Variants in ANKS1B observed in about 807,000 individuals in gnomAD.
The protein encoded by ANKS1B is ankyrin repeat and sterile alpha motif domain-containing protein 1B.
A neutral mutation model predicts 148.3 loss-of-function variants in ANKS1B; 36 were observed. The observed-to-expected ratio is 0.24, with a 90% confidence interval of 0.19 to 0.32. The LOEUF (loss-of-function observed/expected upper bound fraction) is 0.32, where lower values mean the gene tolerates loss of function less well. Ranked by LOEUF, ANKS1B falls within the 10% of genes least tolerant of loss-of-function variation. The pLI, the probability that ANKS1B is intolerant of heterozygous loss-of-function variation, is 1.00. For missense variants in ANKS1B, 1,157 were observed against 1,542.6 expected (o/e 0.75, Z 4.19); for synonymous variants, 542 against 560.8 (o/e 0.97, Z 0.47).
At chr12:98,901,636 T>C (rs1275980193) in intron 17 of ANKS1B, among the ~76,000 whole-genome samples, 2 of 152,150 alleles carry the variant, frequency 1.3e-5, no homozygotes, top group Non-Finnish European at 1.5e-5. Flanking sequence ...AATAAATAAA[T>C]GAATAAATGT....
chr12:99,039,285 T>C (rs1332768101), intron 17 of ANKS1B, among the ~76,000 whole-genome samples: 1 of 152,210 alleles, frequency 6.6e-6, no homozygotes, highest in Non-Finnish European at 1.5e-5. Flanking sequence ...ATCACCCAAG[T>C]GGCCCTCCAC....
intron 8 of ANKS1B, among the ~76,000 whole-genome samples, chr12:99,762,986 A>C (rs975544781): frequency 1.3e-5 from 2 of 152,136 alleles, no homozygotes; most frequent in Non-Finnish European, 2.9e-5. Flanking sequence ...AAAAAGTTAA[A>C]AAAAAAACAG....
intron 14 of ANKS1B, among the ~76,000 whole-genome samples, chr12:99,234,237 C>T (rs929855228): frequency 6.6e-6 from 1 of 152,052 alleles, no homozygotes; most frequent in African/African-American, 2.4e-5. Flanking sequence ...ATTGCCTGTC[C>T]CTTCCCAATT....
chr12:99,549,255 T>C (rs2097197387), intron 9 of ANKS1B, among the ~76,000 whole-genome samples: 1 of 152,204 alleles, frequency 6.6e-6, no homozygotes, highest in South Asian at 2.1e-4. Flanking sequence ...TGTAATTCTT[T>C]AGAAATCACA....
chr12:99,007,950 A>C (rs1029852167), intron 17 of ANKS1B, among the ~76,000 whole-genome samples: 4 of 150,400 alleles, frequency 2.7e-5, no homozygotes, highest in African/African-American at 9.7e-5. Flanking sequence ...AAACATGTTC[A>C]GCCCCCTTCA....
At chr12:99,678,792 T>C (rs556478360) in intron 8 of ANKS1B, among the ~76,000 whole-genome samples, 29 of 152,288 alleles carry the variant, frequency 1.9e-4, no homozygotes, top group Non-Finnish European at 3.2e-4. Flanking sequence ...AGATCCCATG[T>C]CCAATAATAT....
intron 17 of ANKS1B, among the ~76,000 whole-genome samples, chr12:98,876,018 G>C (rs559881987): frequency 6.6e-6 from 1 of 152,260 alleles, no homozygotes; most frequent in South Asian, 2.1e-4. Flanking sequence ...AAAAACTGAA[G>C]GACAGGCTGG....
chr12:99,305,784 G>A (rs2082258730), intron 12 of ANKS1B, among the ~76,000 whole-genome samples: 1 of 152,028 alleles, frequency 6.6e-6, no homozygotes, highest in Non-Finnish European at 1.5e-5. Context: ...AAAATCACCT[G>A]GTTCTATACT....
rs1378440538 is a variant in ANKS1B, at chr12:98,994,572, T to G, written c.2778+58585A>C. On this transcript the variant is annotated intron_variant, in intron 17 of 26. Transcript: ENST00000683438. ...AGGCGGAGGTTGCAGTGAGCCAAGA[T>G]CGTACCACTGCACTCCATCCTGGGT... Among the ~76,000 whole-genome samples, 3 of 152,258 alleles carry G rather than the reference T, an allele frequency of 2.0e-5. No individual in the cohort carries two copies. The East Asian group carries it at 5.8e-4, about 29-fold the overall frequency.
chr12:99,802,050 T>A (rs1296994921), intron 4 of ANKS1B, among the ~76,000 whole-genome samples: 1 of 152,188 alleles, frequency 6.6e-6, no homozygotes, highest in Non-Finnish European at 1.5e-5. Flanking sequence ...AGTAAATGGA[T>A]TATAATGGAT....
chr12:98,849,761 G>T (rs2099511628), intron 17 of ANKS1B, among the ~76,000 whole-genome samples: 1 of 152,142 alleles, frequency 6.6e-6, no homozygotes, highest in Admixed American at 6.5e-5. Flanking sequence ...TTTTAAAAGA[G>T]TAACCCTGCT....
At chr12:99,831,770 C>T (rs1465481471) in intron 1 of ANKS1B, among the ~76,000 whole-genome samples, 7 of 151,800 alleles carry the variant, frequency 4.6e-5, no homozygotes, top group Non-Finnish European at 1.0e-4. Context: ...AGTCTACCAA[C>T]AGAGTAGCCA....
chr12:99,666,659 C>T (rs1449075489), intron 8 of ANKS1B, among the ~76,000 whole-genome samples: 3 of 152,202 alleles, frequency 2.0e-5, no homozygotes, highest in Admixed American at 1.3e-4. Context: ...ACACACGTTT[C>T]GTGTTTCTGG....
At chr12:98,904,626 C>T (rs986566302) in intron 17 of ANKS1B, among the ~76,000 whole-genome samples, 1 of 152,136 alleles carries the variant, frequency 6.6e-6, no homozygotes, top group Admixed American at 6.5e-5. Flanking sequence ...CTGCCAGTGC[C>T]CCAGAAGGCA....
intron 11 of ANKS1B, among the ~76,000 whole-genome samples, chr12:99,423,732 C>A (rs2095167161): frequency 6.6e-6 from 1 of 152,086 alleles, no homozygotes; most frequent in Non-Finnish European, 1.5e-5. Flanking sequence ...CAAACTAATG[C>A]AGGAACAGAA....
intron 11 of ANKS1B, among the ~76,000 whole-genome samples, chr12:99,430,880 T>C (rs1481537973): frequency 2.0e-5 from 3 of 152,194 alleles, no homozygotes; most frequent in Non-Finnish European, 4.4e-5. Flanking sequence ...GTTCTCATGA[T>C]GATAATAAAA....
chr12:99,733,386 T>G (rs1418037051), intron 8 of ANKS1B, among the ~76,000 whole-genome samples: 1 of 152,286 alleles, frequency 6.6e-6, no homozygotes, highest in Non-Finnish European at 1.5e-5. Flanking sequence ...GCAGAGCCAC[T>G]TATGAGTGAG....
At chr12:99,683,102 A>G (rs1245068058) in intron 8 of ANKS1B, among the ~76,000 whole-genome samples, 2 of 152,130 alleles carry the variant, frequency 1.3e-5, no homozygotes, top group Admixed American at 1.3e-4. Context: ...ATACACTACC[A>G]TGAGAACAGT....
chr12:99,703,864 T>C (rs774493409), intron 8 of ANKS1B, among the ~76,000 whole-genome samples: 11 of 152,084 alleles, frequency 7.2e-5, no homozygotes, highest in Admixed American at 2.6e-4. Flanking sequence ...AAATCTAAAA[T>C]AGGAATATTT....
Sources: gnomAD v4.1 joint callset for allele counts (sites outside exome capture counted in the v4.1 genomes callset) on GRCh38, gnomAD v4.1.1 for gene constraint, MANE v1.5 for transcripts, NCBI Gene and HGNC (gene_info 2026-07-23, HGNC 2026-07-21) for gene names.